The following IL15 variants were observed in gnomAD, a reference collection of about 807,000 sequenced individuals.
IL15 encodes the protein interleukin 15, also known as interleukin-15.
Under a neutral mutation model 19.6 loss-of-function variants are expected in IL15, and 11 were observed. The ratio of observed to expected loss-of-function variants is 0.56; its 90% CI spans 0.35 to 0.93. IL15 has a LOEUF of 0.93. Among genes scored for constraint, IL15 ranks in the 40% least tolerant of loss-of-function variants. The pLI is 0.01. For missense variants in IL15, 197 were observed against 186.5 expected, an observed-to-expected ratio of 1.06 and a Z score of -0.33; for synonymous variants, 58 against 59.6, an observed-to-expected ratio of 0.97 and a Z score of 0.12.
At chr4:141,708,276 A>G (rs1729592653) in intron 2 of IL15, among the ~76,000 whole-genome samples, 2 of 152,146 alleles carry the variant, frequency 1.3e-5, no homozygotes, top group Admixed American at 6.5e-5. Context: ...TGACATGCCT[A>G]TGCTCTAGGT....
chr4:141,700,349 A>T (rs775263148), intron 2 of IL15, among the ~76,000 whole-genome samples: 1 of 152,184 alleles, frequency 6.6e-6, no homozygotes. Flanking sequence ...TGTTTGTCTG[A>T]AAAATACTTT....
At chr4:141,697,345 C>A (rs1367138058) in intron 2 of IL15, among the ~76,000 whole-genome samples, 1 of 152,074 alleles carries the variant, frequency 6.6e-6, no homozygotes, top group Admixed American at 6.6e-5. Flanking sequence ...TTTCTGGGTT[C>A]TCTAGTCTGT....
chr4:141,706,199 G>A (rs1053424186), intron 2 of IL15, among the ~76,000 whole-genome samples: 3 of 151,180 alleles, frequency 2.0e-5, no homozygotes, highest in Non-Finnish European at 4.4e-5. Flanking sequence ...TACTAAGCTT[G>A]GTTTCTTTTC....
intron 2 of IL15, among the ~76,000 whole-genome samples, chr4:141,689,584 C>G (rs1728838424): frequency 6.6e-6 from 1 of 151,986 alleles, no homozygotes; most frequent in South Asian, 2.1e-4. Context: ...AATCCCTGAG[C>G]TAGACATAAA....
intron 2 of IL15, among the ~76,000 whole-genome samples, chr4:141,698,844 C>A (rs758135395): frequency 3.0e-4 from 45 of 151,356 alleles, no homozygotes; most frequent in Admixed American, 1.2e-3. Context: ...CTGCTCGGAT[C>A]TTTGTTATTT....
At chr4:141,703,811 TA>T (rs1246372572) in intron 2 of IL15, among the ~76,000 whole-genome samples, 1 of 151,932 alleles carries the variant, frequency 6.6e-6, no homozygotes, top group East Asian at 1.9e-4. Flanking sequence ...TCGATTTTTT[TA>T]ATTTTTTGTA....
chr4:141,640,309 G>GAAAA (rs1020636054), intron 1 of IL15, among the ~76,000 whole-genome samples: 1 of 129,942 alleles, frequency 7.7e-6, no homozygotes, highest in Non-Finnish European at 1.7e-5. Flanking sequence ...AATTTACAAA[G>GAAAA]AAAAAAAAAA....
At chr4:141,655,614 T>C (rs1255656355) in intron 1 of IL15, among the ~76,000 whole-genome samples, 1 of 152,160 alleles carries the variant, frequency 6.6e-6, no homozygotes, top group Non-Finnish European at 1.5e-5. Context: ...TAAAAAAACA[T>C]AGAAGTTACA....
intron 1 of IL15, among the ~76,000 whole-genome samples, chr4:141,655,895 C>T (rs939315797): frequency 5.3e-5 from 8 of 152,130 alleles, no homozygotes; most frequent in African/African-American, 1.9e-4. Flanking sequence ...AGACAATTTA[C>T]TAGAGAGCTA....
At chr4:141,696,915 T>C (rs916571293) in intron 2 of IL15, among the ~76,000 whole-genome samples, 3 of 152,070 alleles carry the variant, frequency 2.0e-5, no homozygotes, top group Non-Finnish European at 4.4e-5. Flanking sequence ...AATATTAGTC[T>C]TTTGTCAGTA....
At chr4:141,721,136 T>C in intron 4 of IL15, 1 of 1,495,978 alleles carries the variant, frequency 6.7e-7, no homozygotes, top group Non-Finnish European at 9.2e-7. Context: ...AGTTTTACTC[T>C]ACTAATGCCT....
intron 2 of IL15, among the ~76,000 whole-genome samples, chr4:141,682,971 C>G (rs1008394665): frequency 3.3e-5 from 5 of 151,582 alleles, no homozygotes; most frequent in African/African-American, 1.2e-4. Context: ...AACAAACAAA[C>G]AAACAAAAAA....
chr4:141,727,021 A>G (rs1316708444), intron 5 of IL15, among the ~76,000 whole-genome samples: 1 of 152,154 alleles, frequency 6.6e-6, no homozygotes, highest in Non-Finnish European at 1.5e-5. Context: ...AGCTATGGAG[A>G]CAATAAAAAG....
chr4:141,652,813 CT>C (rs1727455208), intron 1 of IL15, among the ~76,000 whole-genome samples: 1 of 152,022 alleles, frequency 6.6e-6, no homozygotes, highest in Non-Finnish European at 1.5e-5. Flanking sequence ...AGTGTTATTC[CT>C]GAGGATTATG....
Position 141,656,295 on chromosome 4 carries a change from C to A in IL15, c.-112C>A. On this transcript the variant is annotated 5_prime_UTR_variant, in exon 2 of 8. Transcript: ENST00000320650. ...AATCAATGTTAGCAGATAGCCAGCC[C>A]ATACAAGATCGTGTAAGTAAAGTTT... 2.5e-6 allele frequency: 1 copy of A among 398,124 alleles called. No homozygotes were observed. Among genetic ancestry groups the A allele is most frequent in the South Asian group, 1.3e-4 (1 of 7,832 alleles). The allele number at this position is 398,124 out of a possible 1,614,324, so 24.7% of individuals were successfully genotyped here.
At chr4:141,707,630 C>T (rs73851508) in intron 2 of IL15, among the ~76,000 whole-genome samples, 4,563 of 152,232 alleles carry the variant, frequency 0.03, 220 homozygotes, top group African/African-American at 0.1. Flanking sequence ...CTCAGTAGCA[C>T]GGTATCTGTG....
chr4:141,651,026 T>G (rs1727385947), intron 1 of IL15, among the ~76,000 whole-genome samples: 1 of 152,034 alleles, frequency 6.6e-6, no homozygotes, highest in African/African-American at 2.4e-5. Context: ...GAAATTGTAA[T>G]ATGTTAATGA....
intron 2 of IL15, among the ~76,000 whole-genome samples, chr4:141,670,669 C>G (rs754082816): frequency 2.0e-5 from 3 of 152,114 alleles, no homozygotes; most frequent in Admixed American, 6.6e-5. Context: ...TATTTTACTT[C>G]TTTATTTAAG....
chr4:141,713,548 T>C (rs1328112608), intron 2 of IL15, among the ~76,000 whole-genome samples: 1 of 152,170 alleles, frequency 6.6e-6, no homozygotes, highest in African/African-American at 2.4e-5. Context: ...GTTAACCAGT[T>C]GCTGCTTTAA....
Sources: gnomAD v4.1 joint callset for allele counts (sites outside exome capture counted in the v4.1 genomes callset) on GRCh38, gnomAD v4.1.1 for gene constraint, MANE v1.5 for transcripts, NCBI Gene and HGNC (gene_info 2026-07-23, HGNC 2026-07-21) for gene names.